Variants in CEMIP2 observed in about 807,000 individuals in gnomAD.
CEMIP2 encodes cell migration inducing hyaluronidase 2.
CEMIP2 carries 79 observed loss-of-function variants against 146.9 expected under a neutral mutation model. The ratio of observed to expected loss-of-function variants is 0.54; its 90% CI spans 0.45 to 0.65. CEMIP2 has a LOEUF of 0.65. Among genes scored for constraint, CEMIP2 ranks in the 30% least tolerant of loss-of-function variants. The pLI, the probability that CEMIP2 is intolerant of heterozygous loss-of-function variation, is 0.00. For synonymous variants in CEMIP2, 601 were observed against 606.3 expected (o/e 0.99, Z 0.13); for missense variants, 1,596 against 1,696.2 (o/e 0.94, Z 1.04).
chr9:71,700,605 T>C (rs1254434349), intron 19 of CEMIP2, 37 bp downstream of exon 19: 4 of 1,532,240 alleles, frequency 2.6e-6, no homozygotes, highest in East Asian at 2.3e-5. Context: ...TAAAGAAAAA[T>C]AGGAATAATT....
intron 10 of CEMIP2, 58 bp downstream of exon 10, chr9:71,729,787 G>T: frequency 6.5e-7 from 1 of 1,536,826 alleles, no homozygotes; most frequent in South Asian, 1.1e-5. Context: ...AAATAAACCA[G>T]ACTATTTATA....
chr9:71,685,638 T>G (rs1822038364), intron 23 of CEMIP2, 105 bp downstream of exon 23: 1 of 968,792 alleles, frequency 1.0e-6, no homozygotes, highest in South Asian at 1.6e-5. Context: ...TGATACCCAC[T>G]CCAGCAAACA....
intron 18 of CEMIP2, among the ~76,000 whole-genome samples, chr9:71,703,598 A>G (rs751338191): frequency 1.3e-5 from 2 of 152,176 alleles, no homozygotes; most frequent in Admixed American, 6.5e-5. Flanking sequence ...TTTCAGGTAC[A>G]TATCTCAGCA....
At chr9:71,744,039 C>T (rs541585461) in intron 4 of CEMIP2, among the ~76,000 whole-genome samples, 11 of 152,258 alleles carry the variant, frequency 7.2e-5, no homozygotes, top group African/African-American at 2.6e-4. Context: ...GCTACTTCCC[C>T]TAGACTCAGA....
intron 15 of CEMIP2, among the ~76,000 whole-genome samples, chr9:71,714,630 C>A (rs1386687160): frequency 6.6e-6 from 1 of 151,866 alleles, no homozygotes; most frequent in Non-Finnish European, 1.5e-5. Context: ...AGAAAAAAAA[C>A]AGTTTATATA....
chr9:71,741,307 C>T (rs1823908980), intron 4 of CEMIP2, among the ~76,000 whole-genome samples: 1 of 150,202 alleles, frequency 6.7e-6, no homozygotes, highest in African/African-American at 2.5e-5. Flanking sequence ...AAGCAATTCT[C>T]CCACCTCAGC....
chr9:71,731,906 A>G (rs1209875053), intron 7 of CEMIP2, among the ~76,000 whole-genome samples: 1 of 152,208 alleles, frequency 6.6e-6, no homozygotes, highest in Non-Finnish European at 1.5e-5. Flanking sequence ...AAATTTTTCC[A>G]GAACAAAAAT....
chr9:71,723,143 A>AAAAC (rs1489178829), intron 11 of CEMIP2, among the ~76,000 whole-genome samples: 1 of 150,568 alleles, frequency 6.6e-6, no homozygotes, highest in Non-Finnish European at 1.5e-5. Context: ...AAAGAAAAAA[A>AAAAC]AAAAAAAAAC....
chr9:71,690,426 T>C (rs936109065), intron 21 of CEMIP2, among the ~76,000 whole-genome samples, 180 bp from the exon 22 acceptor site: 2 of 152,264 alleles, frequency 1.3e-5, no homozygotes, highest in African/African-American at 4.8e-5. Flanking sequence ...TCTGTGTTCC[T>C]AGGCACTGCC....
chr9:71,719,908 TTC>T (rs1328059970), intron 12 of CEMIP2, among the ~76,000 whole-genome samples: 1 of 148,808 alleles, frequency 6.7e-6, no homozygotes, highest in Non-Finnish European at 1.5e-5. Context: ...CCATCTCAAC[TTC>T]TCTGAACTTC....
chr9:71,739,489 A>G (rs1258905956), intron 5 of CEMIP2, among the ~76,000 whole-genome samples: 3 of 151,032 alleles, frequency 2.0e-5, no homozygotes, highest in African/African-American at 4.9e-5. Context: ...TCTACCACCT[A>G]TGCTTTTTGG....
intron 20 of CEMIP2, among the ~76,000 whole-genome samples, chr9:71,696,057 A>T (rs891531253): frequency 6.6e-5 from 10 of 152,228 alleles, no homozygotes; most frequent in Non-Finnish European, 1.2e-4. Flanking sequence ...ATACATTTTA[A>T]AAAAATGAAT....
At chr9:71,759,121 T>C (rs967099037) in intron 1 of CEMIP2, among the ~76,000 whole-genome samples, 5 of 152,200 alleles carry the variant, frequency 3.3e-5, no homozygotes, top group Non-Finnish European at 7.3e-5. Flanking sequence ...CCTCTGCCTA[T>C]GAAGGGAAAG....
intron 21 of CEMIP2, among the ~76,000 whole-genome samples, chr9:71,694,119 A>G (rs1563994342): frequency 2.7e-5 from 4 of 150,540 alleles, no homozygotes; most frequent in Non-Finnish European, 5.9e-5. Flanking sequence ...TTATTTATTT[A>G]TTTATTTATT....
chr9:71,748,504 G>A (rs969087615), intron 2 of CEMIP2, among the ~76,000 whole-genome samples: 1 of 152,162 alleles, frequency 6.6e-6, no homozygotes, highest in Non-Finnish European at 1.5e-5. Context: ...GCAATGCCCT[G>A]TTTTAGATGG....
intron 18 of CEMIP2, 31 bp from the exon 19 acceptor site, chr9:71,700,855 T>C: frequency 2.5e-6 from 4 of 1,579,562 alleles, no homozygotes; most frequent in Non-Finnish European, 3.4e-6. Flanking sequence ...AAAATTAGTT[T>C]ACACTTCAGC....
intron 12 of CEMIP2, among the ~76,000 whole-genome samples, chr9:71,721,513 A>G (rs1823231026): frequency 6.6e-6 from 1 of 152,232 alleles, no homozygotes; most frequent in Non-Finnish European, 1.5e-5. Context: ...AATCCTCAAG[A>G]CAAACTAGAC....
At chr9:71,685,452 G>C (rs1053859324) in intron 23 of CEMIP2, 59 bp from the exon 24 acceptor site, 11 of 1,393,740 alleles carry the variant, frequency 7.9e-6, no homozygotes, top group Non-Finnish European at 1.9e-6. Context: ...CTACATTCCA[G>C]CAAGAGAATA....
At chr9:71,763,214 C>T (rs1824690701) in intron 1 of CEMIP2, among the ~76,000 whole-genome samples, 1 of 152,044 alleles carries the variant, frequency 6.6e-6, no homozygotes, top group Non-Finnish European at 1.5e-5. Context: ...AAAAATGATT[C>T]ATTCTTCAGG....
Sources: gnomAD v4.1 joint callset for allele counts (sites outside exome capture counted in the v4.1 genomes callset) on GRCh38, gnomAD v4.1.1 for gene constraint, MANE v1.5 for transcripts, NCBI Gene and HGNC (gene_info 2026-07-23, HGNC 2026-07-21) for gene names.